The following UST variants were observed in gnomAD, a reference collection of about 807,000 sequenced individuals.
The protein encoded by UST is chondroitin sulfate 2-O-sulfotransferase.
UST carries 21 observed loss-of-function variants against 45.6 expected under a neutral mutation model. The ratio of observed to expected loss-of-function variants is 0.46; its 90% confidence interval spans 0.33 to 0.66. The LOEUF is 0.66. Among genes scored for constraint, UST ranks in the 30% least tolerant of loss-of-function variants. The pLI, the probability that UST is intolerant of heterozygous loss-of-function variation, is 0.02. For missense variants in UST, 463 were observed against 512.4 expected (o/e 0.90, Z 0.93); for synonymous variants, 215 against 200.6 (o/e 1.07, Z -0.61).
At chr6:148,886,198 C>T (rs1778910049) in intron 1 of UST, among the ~76,000 whole-genome samples, 1 of 152,216 alleles carries the variant, frequency 6.6e-6, no homozygotes. Context: ...CTCCTCTCTG[C>T]AGTTTACCAG....
At chr6:148,812,413 A>T (rs1777276136) in intron 1 of UST, among the ~76,000 whole-genome samples, 1 of 152,270 alleles carries the variant, frequency 6.6e-6, no homozygotes, top group Non-Finnish European at 1.5e-5. Context: ...GTAACAAATT[A>T]TCCCAAAACA....
chr6:148,956,419 A>C (rs889172929), intron 4 of UST, among the ~76,000 whole-genome samples: 15 of 152,334 alleles, frequency 9.8e-5, no homozygotes, highest in African/African-American at 3.1e-4. Flanking sequence ...ATCCCTGATA[A>C]AACCATCATA....
At chr6:148,839,868 G>T (rs990098772) in intron 1 of UST, among the ~76,000 whole-genome samples, 2 of 152,178 alleles carry the variant, frequency 1.3e-5, no homozygotes, top group African/African-American at 4.8e-5. Context: ...GTAAAAAGGG[G>T]TAACTTGCCA....
intron 1 of UST, among the ~76,000 whole-genome samples, chr6:148,875,957 T>G (rs920717723): frequency 2.0e-5 from 3 of 152,248 alleles, no homozygotes; most frequent in African/African-American, 7.2e-5. Flanking sequence ...TTACATTTGA[T>G]TTTAAATTTA....
chr6:148,819,590 G>A (rs988441287), intron 1 of UST, among the ~76,000 whole-genome samples: 14 of 152,108 alleles, frequency 9.2e-5, no homozygotes, highest in African/African-American at 1.9e-4. Flanking sequence ...GGATAATTAC[G>A]TATTTTATGC....
chr6:148,914,083 C>T (rs995434859), intron 2 of UST, among the ~76,000 whole-genome samples: 1 of 152,126 alleles, frequency 6.6e-6, no homozygotes, highest in African/African-American at 2.4e-5. Flanking sequence ...CTTGGACTTC[C>T]CATCCTCCAG....
chr6:148,960,285 G>C (rs763669654), intron 4 of UST, among the ~76,000 whole-genome samples: 5 of 152,016 alleles, frequency 3.3e-5, no homozygotes, highest in Non-Finnish European at 7.4e-5. Flanking sequence ...GCGAAACTCC[G>C]TCTCAAAAAT....
intron 2 of UST, among the ~76,000 whole-genome samples, chr6:148,932,878 G>A (rs942105361): frequency 6.6e-5 from 10 of 152,232 alleles, no homozygotes; most frequent in Non-Finnish European, 1.5e-4. Flanking sequence ...AGATAACCCT[G>A]TGGTCATCCC....
intron 3 of UST, among the ~76,000 whole-genome samples, chr6:148,952,834 G>A (rs1029924794): frequency 9.2e-5 from 14 of 152,188 alleles, no homozygotes; most frequent in African/African-American, 3.4e-4. Flanking sequence ...ATTCCACAGT[G>A]TGTTCGTTTT....
chr6:148,829,650 A>C (rs1425495806), intron 1 of UST, among the ~76,000 whole-genome samples: 2 of 152,158 alleles, frequency 1.3e-5, no homozygotes, highest in Non-Finnish European at 2.9e-5. Flanking sequence ...CATGACTCAC[A>C]GACGAGTGTT....
intron 2 of UST, among the ~76,000 whole-genome samples, chr6:148,907,102 G>A (rs1259002677): frequency 1.3e-5 from 2 of 151,946 alleles, no homozygotes; most frequent in African/African-American, 4.8e-5. Context: ...ACAGATTAAC[G>A]TGTACACAAC....
intron 7 of UST, among the ~76,000 whole-genome samples, chr6:149,049,704 A>G (rs7757287): frequency 0.038 from 5,840 of 152,242 alleles, 368 homozygotes; most frequent in African/African-American, 0.13. Flanking sequence ...CACCCGCAGC[A>G]ACACTGATGA....
intron 2 of UST, among the ~76,000 whole-genome samples, chr6:148,926,949 G>GTTT (rs5880818): frequency 1.3e-5 from 2 of 150,776 alleles, no homozygotes; most frequent in African/African-American, 4.9e-5. Flanking sequence ...TTGAAAAAAT[G>GTTT]TTTTTTTTTC....
chr6:148,980,355 T>A (rs1582940853), intron 5 of UST, among the ~76,000 whole-genome samples: 1 of 152,210 alleles, frequency 6.6e-6, no homozygotes, highest in Admixed American at 6.5e-5. Flanking sequence ...CACCACAGTC[T>A]TTAACTTTTT....
intron 1 of UST, among the ~76,000 whole-genome samples, chr6:148,877,958 C>T (rs1242097479): frequency 5.5e-4 from 14 of 25,444 alleles, no homozygotes; most frequent in African/African-American, 2.0e-3. Flanking sequence ...GTGCGGGGGT[C>T]GTGTATGAGT....
chr6:148,955,753 CT>C (rs1283435091), intron 4 of UST: 3 of 152,276 alleles, frequency 2.0e-5, no homozygotes, highest in Non-Finnish European at 4.4e-5. Flanking sequence ...TGAGTCACCC[CT>C]GACATCCTTA....
chr6:149,010,498 C>G (rs1303510009), intron 5 of UST, among the ~76,000 whole-genome samples: 1 of 152,172 alleles, frequency 6.6e-6, no homozygotes, highest in Non-Finnish European at 1.5e-5. Flanking sequence ...GCTTAGTAAA[C>G]TTTGCTGTAG....
At chr6:148,988,546 C>A (rs1193301689) in intron 5 of UST, among the ~76,000 whole-genome samples, 1 of 144,992 alleles carries the variant, frequency 6.9e-6, no homozygotes, top group African/African-American at 2.6e-5. Flanking sequence ...TGGACTCCAG[C>A]CTGGGTGACA....
At chr6:148,949,406 A>G (rs1780317677) in intron 3 of UST, among the ~76,000 whole-genome samples, 1 of 118,062 alleles carries the variant, frequency 8.5e-6, no homozygotes, top group South Asian at 3.2e-4. Flanking sequence ...AATAATAATA[A>G]TAATAATAAT....
Sources: allele counts gnomAD v4.1 joint callset (sites outside exome capture counted in the v4.1 genomes callset), GRCh38; gene constraint gnomAD v4.1.1; transcripts MANE v1.5; gene names NCBI Gene and HGNC (gene_info 2026-07-23, HGNC 2026-07-21).